Variants in RBFOX1 observed in about 807,000 individuals in gnomAD.
RBFOX1 encodes the protein RNA binding protein fox-1 homolog 1.
RBFOX1 carries 8 observed loss-of-function variants against 57.7 expected under a neutral mutation model. The ratio of observed to expected loss-of-function variants is 0.14; its 90% CI spans 0.08 to 0.25. RBFOX1 has a LOEUF of 0.25. Among genes scored for constraint, RBFOX1 ranks in the 10% least tolerant of loss-of-function variants. RBFOX1 has a pLI of 1.00. For synonymous variants in RBFOX1, 326 were observed against 222.4 expected (o/e 1.47, Z -4.15); for missense variants, 611 against 548.5 (o/e 1.11, Z -1.14).
At chr16:7,313,798 C>T (rs1603618801) in intron 4 of RBFOX1, among the ~76,000 whole-genome samples, 1 of 152,078 alleles carries the variant, frequency 6.6e-6, no homozygotes, top group East Asian at 1.9e-4. Flanking sequence ...ATATTTAAAA[C>T]CAGACACTTT....
At chr16:6,687,898 G>A (rs577841470) in intron 3 of RBFOX1, among the ~76,000 whole-genome samples, 1 of 152,296 alleles carries the variant, frequency 6.6e-6, no homozygotes, top group African/African-American at 2.4e-5. Flanking sequence ...GTGAATGCAT[G>A]TTATTTCTCT....
intron 3 of RBFOX1, among the ~76,000 whole-genome samples, chr16:6,962,071 T>G (rs760768168): frequency 2.0e-5 from 3 of 152,192 alleles, no homozygotes; most frequent in Admixed American, 6.5e-5. Context: ...TCTGACACTT[T>G]CATGATTCTG....
At chr16:5,599,683 T>C (rs1444040309) in exon 3 of RBFOX1, 2 of 158,408 alleles carry the variant, frequency 1.3e-5, no homozygotes, top group African/African-American at 4.8e-5. Flanking sequence ...ATTTTCTCTT[T>C]ATAGCCATCA....
chr16:7,163,409 T>G lies in RBFOX1; in HGVS notation c.27+111311T>G, dbSNP rs565400289. On this transcript the variant is annotated intron_variant, in intron 4 of 15. Transcript: ENST00000550418. ...CACAGTTGAGGAAATTTCATCAATG[T>G]GTATGAAGCGGCTGGTCTGGTGACG... Among the ~76,000 whole-genome samples, 210 of 152,228 alleles carry G rather than the reference T, an allele frequency of 1.4e-3. 3 individuals carry two copies. Among genetic ancestry groups the G allele is most frequent in the Non-Finnish European group, 8.2e-4 (56 of 68,018 alleles).
intron 1 of RBFOX1, among the ~76,000 whole-genome samples, chr16:6,169,596 G>T (rs116495518): frequency 0.023 from 3,462 of 152,134 alleles, 139 homozygotes; most frequent in African/African-American, 0.078. Flanking sequence ...GGGAAATGAG[G>T]TACAGAAATT....
chr16:6,869,560 C>G (rs1405061739), intron 3 of RBFOX1, among the ~76,000 whole-genome samples: 3 of 151,542 alleles, frequency 2.0e-5, no homozygotes, highest in African/African-American at 7.3e-5. Flanking sequence ...AGGAGATTAA[C>G]ATTAATTTCT....
intron 4 of RBFOX1, among the ~76,000 whole-genome samples, chr16:7,152,796 G>A (rs969850470): frequency 6.6e-6 from 1 of 152,182 alleles, no homozygotes; most frequent in Non-Finnish European, 1.5e-5. Flanking sequence ...TAAGCATGGT[G>A]GACCATTTTC....
At chr16:6,741,583 C>T (rs756489639) in intron 3 of RBFOX1, among the ~76,000 whole-genome samples, 4 of 151,508 alleles carry the variant, frequency 2.6e-5, no homozygotes, top group South Asian at 2.1e-4. Context: ...GTAGGAGAAT[C>T]GCTTGAACTG....
chr16:6,695,413 C>CAAAAAAA (rs71145278), intron 3 of RBFOX1, among the ~76,000 whole-genome samples: 6 of 109,096 alleles, frequency 5.5e-5, no homozygotes, highest in East Asian at 3.3e-4. Context: ...GAAACTCTGT[C>CAAAAAAA]AAAAAAAAAA....
intron 2 of RBFOX1, among the ~76,000 whole-genome samples, chr16:5,555,877 C>T (rs571905583): frequency 9.9e-4 from 150 of 152,000 alleles, no homozygotes; most frequent in African/African-American, 3.3e-3. Context: ...CAAAATTAGC[C>T]GGTCGTGGTG....
At chr16:5,513,659 T>C (rs2043686532) in intron 2 of RBFOX1, among the ~76,000 whole-genome samples, 1 of 152,262 alleles carries the variant, frequency 6.6e-6, no homozygotes, top group African/African-American at 2.4e-5. Context: ...TGTTTATTTA[T>C]TCAATCATTT....
intron 4 of RBFOX1, among the ~76,000 whole-genome samples, chr16:7,108,455 C>G (rs2064012983): frequency 6.6e-6 from 1 of 152,154 alleles, no homozygotes; most frequent in Admixed American, 6.5e-5. Flanking sequence ...ACAATTGATT[C>G]ATCCATTCAT....
chr16:7,234,664 A>G (rs933361657), intron 4 of RBFOX1, among the ~76,000 whole-genome samples: 1 of 131,636 alleles, frequency 7.6e-6, no homozygotes, highest in African/African-American at 3.1e-5. Flanking sequence ...GTATGTATAT[A>G]TGTATACATA....
chr16:6,174,193 G>C lies in RBFOX1; in HGVS notation c.-126-142802G>C, dbSNP rs567624032. Among the ~76,000 whole-genome samples, 6 of 152,282 alleles carry C rather than the reference G, an allele frequency of 3.9e-5. No homozygotes were observed. In the East Asian group the frequency reaches 1.2e-3, roughly 29 times the overall value. ...TTTGCCTTTATTCCTCGAATTTGCTGGTTTTTTGGTTTCAGACTGAGTGGT... is the reference window on the plus strand; with the variant it reads ...TTTGCCTTTATTCCTCGAATTTGCTCGTTTTTTGGTTTCAGACTGAGTGGT... On this transcript the variant is annotated intron_variant, in intron 1 of 15. Coordinates refer to ENST00000550418, the MANE Select transcript of RBFOX1 (RefSeq NM_018723.4).
At chr16:5,840,701 T>C (rs532466589) in intron 3 of RBFOX1, among the ~76,000 whole-genome samples, 2 of 152,220 alleles carry the variant, frequency 1.3e-5, no homozygotes, top group South Asian at 4.2e-4. Context: ...CTTGGAGATG[T>C]GTGTAGGTGA....
chr16:5,631,665 C>A (rs1271493689), intron 3 of RBFOX1, among the ~76,000 whole-genome samples: 2 of 152,094 alleles, frequency 1.3e-5, no homozygotes, highest in Admixed American at 6.5e-5. Context: ...TTCCCACCTC[C>A]TAGAACGGAA....
At chr16:6,680,662 C>A (rs886306192) in intron 3 of RBFOX1, among the ~76,000 whole-genome samples, 5 of 152,064 alleles carry the variant, frequency 3.3e-5, no homozygotes, top group Non-Finnish European at 7.4e-5. Flanking sequence ...TTTAGTTTTC[C>A]ACTATCAAAG....
intron 4 of RBFOX1, among the ~76,000 whole-genome samples, chr16:7,432,503 TAAC>T (rs1314527799): frequency 6.6e-6 from 1 of 152,180 alleles, no homozygotes; most frequent in Non-Finnish European, 1.5e-5. Flanking sequence ...TTTCTTGTCT[TAAC>T]AACAGGTATG....
At chr16:5,849,437 C>G (rs900055619) in intron 3 of RBFOX1, among the ~76,000 whole-genome samples, 2 of 152,080 alleles carry the variant, frequency 1.3e-5, no homozygotes, top group Admixed American at 6.5e-5. Context: ...TGCTACAATC[C>G]TCTGCTACAG....
Sources: gnomAD v4.1 joint callset for allele counts (sites outside exome capture counted in the v4.1 genomes callset) on GRCh38, gnomAD v4.1.1 for gene constraint, MANE v1.5 for transcripts, NCBI Gene and HGNC (gene_info 2026-07-23, HGNC 2026-07-21) for gene names.